Variants in BMERB1 observed in about 807,000 individuals in gnomAD.
BMERB1 encodes the protein bMERB domain-containing protein 1.
In BMERB1, 12 loss-of-function variants were observed where a neutral mutation model predicts 23.6. The observed-to-expected ratio is 0.51, with a 90% confidence interval of 0.33 to 0.82. The LOEUF is 0.82. Ranked by LOEUF, BMERB1 falls within the 40% of genes least tolerant of loss-of-function variation. The pLI, the probability that BMERB1 is intolerant of heterozygous loss-of-function variation, is 0.03. For synonymous variants in BMERB1, 122 were observed against 96.6 expected (o/e 1.26, Z -1.54); for missense variants, 247 against 255.4 (o/e 0.97, Z 0.22).
intron 2 of BMERB1, among the ~76,000 whole-genome samples, chr16:15,544,730 A>G (rs1211283400): frequency 6.6e-6 from 1 of 152,174 alleles, no homozygotes; most frequent in African/African-American, 2.4e-5. Flanking sequence ...AGACATGAAC[A>G]TTGTCCCAGC....
intron 3 of BMERB1, among the ~76,000 whole-genome samples, chr16:15,571,537 G>A (rs1240814933): frequency 2.0e-5 from 3 of 151,966 alleles, no homozygotes; most frequent in African/African-American, 7.3e-5. Context: ...TGTATTTTTA[G>A]TAGAGGTGGG....
chr16:15,577,333 C>T (rs185506120), intron 3 of BMERB1: 1 of 152,262 alleles, frequency 6.6e-6, no homozygotes, highest in Admixed American at 6.5e-5. Flanking sequence ...AAAGGAAAAC[C>T]TTACCGAGGA....
At chr16:15,538,748 A>G (rs550803046) in intron 2 of BMERB1, among the ~76,000 whole-genome samples, 10 of 152,226 alleles carry the variant, frequency 6.6e-5, no homozygotes, top group African/African-American at 2.2e-4. Flanking sequence ...TGCCATCACT[A>G]TTTGGTTTTT....
At chr16:15,465,758 A>G (rs951303990) in intron 1 of BMERB1, among the ~76,000 whole-genome samples, 9 of 152,180 alleles carry the variant, frequency 5.9e-5, no homozygotes, top group African/African-American at 2.2e-4. Context: ...GACCCTTGTC[A>G]TGGAATTAAT....
intron 2 of BMERB1, among the ~76,000 whole-genome samples, chr16:15,543,097 A>G (rs750666332): frequency 6.6e-6 from 1 of 152,064 alleles, no homozygotes; most frequent in Non-Finnish European, 1.5e-5. Context: ...TTTATTAAGT[A>G]GTGGAAGTGG....
intron 2 of BMERB1, among the ~76,000 whole-genome samples, chr16:15,549,105 G>A (rs1192353082): frequency 1.3e-5 from 2 of 152,086 alleles, no homozygotes; most frequent in South Asian, 2.1e-4. Context: ...TAGGGAGGCC[G>A]AGGTGGGCAG....
At chr16:15,459,355 A>AG (rs1478928319) in intron 1 of BMERB1, among the ~76,000 whole-genome samples, 2 of 151,924 alleles carry the variant, frequency 1.3e-5, no homozygotes, top group Non-Finnish European at 2.9e-5. Context: ...AAAAAAAAAA[A>AG]CACCAGGATC....
At chr16:15,586,001 A>C (rs2031129733) in intron 5 of BMERB1, among the ~76,000 whole-genome samples, 1 of 152,192 alleles carries the variant, frequency 6.6e-6, no homozygotes, top group African/African-American at 2.4e-5. Context: ...AATAAAACCC[A>C]AAATGAAATA....
rs1468967984 is a variant in BMERB1, at chr16:15,586,760, C to A, written c.546C>A (p.Pro182=). Residue 182 remains proline, a synonymous_variant, in exon 6 of 6, where the codon CCC becomes CCA. Coordinates refer to ENST00000300006, the MANE Select transcript of BMERB1 (RefSeq NM_033201.3). ...EKKAEPPPSK[P]TVAKTGLALI... is the part of the protein sequence containing the mutation. ...AAGCAGAGCCCCCACCTAGCAAGCCCACGGTGGCCAAGACGGGGCTGGCAC... is the reference window on the plus strand; with the variant it reads ...AAGCAGAGCCCCCACCTAGCAAGCCAACGGTGGCCAAGACGGGGCTGGCAC... 3.1e-6 allele frequency: 5 copies of A among 1,612,520 alleles called. No homozygotes were observed. Among genetic ancestry groups the A allele is most frequent in the Admixed American group, 1.7e-5 (1 of 59,810 alleles).
At chr16:15,438,553 A>G (rs918241059) in intron 1 of BMERB1, among the ~76,000 whole-genome samples, 1 of 149,694 alleles carries the variant, frequency 6.7e-6, no homozygotes. Flanking sequence ...TCTGCCTCCC[A>G]GGTTCAAGCA....
chr16:15,455,337 A>G (rs1313868232), intron 1 of BMERB1, among the ~76,000 whole-genome samples: 1 of 150,598 alleles, frequency 6.6e-6, no homozygotes, highest in Non-Finnish European at 1.5e-5. Context: ...AAAAAAAAAA[A>G]GAAAAGAAAA....
intron 2 of BMERB1, among the ~76,000 whole-genome samples, chr16:15,530,915 T>C (rs1016150313): frequency 1.8e-4 from 26 of 147,992 alleles, no homozygotes; most frequent in Non-Finnish European, 1.9e-4. Flanking sequence ...TTTTTTTTTT[T>C]TTTTTTTTTG....
intron 1 of BMERB1, among the ~76,000 whole-genome samples, chr16:15,476,987 TA>T (rs1168928744): frequency 3.9e-5 from 6 of 152,028 alleles, no homozygotes; most frequent in Non-Finnish European, 7.4e-5. Context: ...CAGATATGGT[TA>T]AAAAAAATTT....
chr16:15,562,821 G>A (rs903912773), intron 2 of BMERB1, among the ~76,000 whole-genome samples: 2 of 152,192 alleles, frequency 1.3e-5, no homozygotes, highest in African/African-American at 2.4e-5. Context: ...GTGCCCTCCC[G>A]GCAAGTCCAC....
At chr16:15,515,897 G>A (rs377212231) in intron 2 of BMERB1, among the ~76,000 whole-genome samples, 67 of 152,174 alleles carry the variant, frequency 4.4e-4, no homozygotes, top group Admixed American at 4.3e-3. Context: ...TGGGTTGAAC[G>A]TTCATTATCT....
At chr16:15,546,969 T>A (rs1248056904) in intron 2 of BMERB1, among the ~76,000 whole-genome samples, 2 of 152,116 alleles carry the variant, frequency 1.3e-5, no homozygotes, top group Non-Finnish European at 2.9e-5. Context: ...TTGGAGGATT[T>A]CTGTTACATT....
chr16:15,490,590 G>C (rs1350813308), intron 1 of BMERB1, among the ~76,000 whole-genome samples: 1 of 152,168 alleles, frequency 6.6e-6, no homozygotes, highest in Non-Finnish European at 1.5e-5. Context: ...GCCTCGGACT[G>C]CTACTTTAGA....
chr16:15,529,295 G>A (rs1443620097), intron 2 of BMERB1, among the ~76,000 whole-genome samples: 2 of 152,104 alleles, frequency 1.3e-5, no homozygotes, highest in South Asian at 2.1e-4. Flanking sequence ...CAACGTGCTG[G>A]GATTACAGGC....
At chr16:15,552,595 T>G (rs1484811788) in intron 2 of BMERB1, among the ~76,000 whole-genome samples, 1 of 152,222 alleles carries the variant, frequency 6.6e-6, no homozygotes, top group Non-Finnish European at 1.5e-5. Flanking sequence ...CAACCTTGCA[T>G]GCACTGGGCA....
Sources: allele counts gnomAD v4.1 joint callset (sites outside exome capture counted in the v4.1 genomes callset), GRCh38; gene constraint gnomAD v4.1.1; transcripts MANE v1.5; gene names NCBI Gene and HGNC (gene_info 2026-07-23, HGNC 2026-07-21).